The following PPP2R5A variants were observed in gnomAD, a reference collection of about 807,000 sequenced individuals.
PPP2R5A encodes the protein serine/threonine-protein phosphatase 2A 56 kDa regulatory subunit alpha isoform.
Under a neutral mutation model 64.2 loss-of-function variants are expected in PPP2R5A, and 25 were observed. That is an observed-to-expected ratio of 0.39 (90% CI 0.28 to 0.54). PPP2R5A has a LOEUF of 0.54. PPP2R5A is among the 20% of genes least tolerant of loss of function. The pLI is 0.67. For missense variants in PPP2R5A, 425 were observed against 576.3 expected (o/e 0.74, Z 2.69); for synonymous variants, 198 against 201.2 (o/e 0.98, Z 0.13).
intron 1 of PPP2R5A, among the ~76,000 whole-genome samples, chr1:212,311,084 C>T (rs1659021338): frequency 6.6e-6 from 1 of 152,062 alleles, no homozygotes; most frequent in Admixed American, 6.6e-5. Flanking sequence ...AATTCCTGTC[C>T]CCTAGTGATG....
At chr1:212,288,631 A>C (rs188742395) in intron 1 of PPP2R5A, among the ~76,000 whole-genome samples, 11 of 152,296 alleles carry the variant, frequency 7.2e-5, no homozygotes, top group African/African-American at 2.2e-4. Flanking sequence ...TAAAAAAAAA[A>C]CACCAACATT....
intron 1 of PPP2R5A, among the ~76,000 whole-genome samples, chr1:212,306,417 T>C (rs1300858128): frequency 6.6e-6 from 1 of 152,124 alleles, no homozygotes; most frequent in Non-Finnish European, 1.5e-5. Flanking sequence ...AAGAGAAACC[T>C]CATCATATCC....
intron 8 of PPP2R5A, among the ~76,000 whole-genome samples, chr1:212,353,145 T>C (rs1459761596): frequency 6.6e-6 from 1 of 152,200 alleles, no homozygotes; most frequent in African/African-American, 2.4e-5. Flanking sequence ...GTTGGCAGAA[T>C]TCAGTTTGTC....
chr1:212,323,494 A>G (rs1228166040), intron 1 of PPP2R5A, among the ~76,000 whole-genome samples: 2 of 152,254 alleles, frequency 1.3e-5, no homozygotes, highest in African/African-American at 4.8e-5. Context: ...ATACCTAAAA[A>G]TAATCAAGAA....
At chr1:212,349,149 T>C (rs1254536496) in intron 7 of PPP2R5A, 40 bp from the exon 8 acceptor site, 2 of 1,353,586 alleles carry the variant, frequency 1.5e-6, no homozygotes, top group African/African-American at 3.0e-5. Flanking sequence ...TTATTAAATG[T>C]TATCTCACTA....
intron 8 of PPP2R5A, among the ~76,000 whole-genome samples, chr1:212,353,570 C>G (rs978750480): frequency 5.3e-5 from 8 of 152,090 alleles, no homozygotes; most frequent in Non-Finnish European, 1.0e-4. Context: ...TATTAAAATC[C>G]ATATATACAT....
At chr1:212,328,538 C>T (rs1317902223) in intron 1 of PPP2R5A, among the ~76,000 whole-genome samples, 2 of 151,944 alleles carry the variant, frequency 1.3e-5, no homozygotes, top group Admixed American at 6.6e-5. Flanking sequence ...TGTATACAGC[C>T]GAGAGGAGTT....
intron 2 of PPP2R5A, 152 bp downstream of exon 2, chr1:212,329,483 C>G: frequency 4.5e-6 from 3 of 671,698 alleles, no homozygotes; most frequent in Non-Finnish European, 7.1e-6. Flanking sequence ...TCCAATGATA[C>G]CATCATTGCA....
At chr1:212,330,095 C>A (rs1490921487) in intron 2 of PPP2R5A, among the ~76,000 whole-genome samples, 1 of 152,166 alleles carries the variant, frequency 6.6e-6, no homozygotes, top group Non-Finnish European at 1.5e-5. Context: ...AAAAAAACTG[C>A]AGCCAACTTT....
At chr1:212,354,356 G>A (rs1429853984) in intron 8 of PPP2R5A, among the ~76,000 whole-genome samples, 3 of 151,422 alleles carry the variant, frequency 2.0e-5, no homozygotes, top group Admixed American at 1.3e-4. Flanking sequence ...CAGCCTGGCC[G>A]ACAATGCAAG....
intron 1 of PPP2R5A, among the ~76,000 whole-genome samples, chr1:212,310,655 G>T (rs2102419863): frequency 6.6e-6 from 1 of 152,316 alleles, no homozygotes; most frequent in Non-Finnish European, 1.5e-5. Flanking sequence ...GCCTCTTCCA[G>T]TGTGGAATCA....
chr1:212,359,841 G>T (rs1339156981), intron 12 of PPP2R5A, among the ~76,000 whole-genome samples: 2 of 152,162 alleles, frequency 1.3e-5, no homozygotes, highest in Non-Finnish European at 2.9e-5. Context: ...GCAATGGGAA[G>T]AAAATAAGAT....
intron 1 of PPP2R5A, among the ~76,000 whole-genome samples, chr1:212,299,900 C>T (rs755455188): frequency 2.0e-5 from 3 of 151,778 alleles, no homozygotes; most frequent in Admixed American, 6.6e-5. Context: ...GCAACCTCCA[C>T]ATCATGGGTT....
chr1:212,334,152 C>T (rs1282350714), intron 3 of PPP2R5A: 2 of 152,190 alleles, frequency 1.3e-5, no homozygotes, highest in Non-Finnish European at 2.9e-5. Flanking sequence ...GGATATACCA[C>T]ATTTGTTTAT....
chr1:212,348,826 G>A (rs1659827964), intron 7 of PPP2R5A, among the ~76,000 whole-genome samples: 1 of 152,154 alleles, frequency 6.6e-6, no homozygotes, highest in Non-Finnish European at 1.5e-5. Flanking sequence ...TAGTTAGAGA[G>A]ATTTTGGTCT....
At chr1:212,286,436 G>A in intron 1 of PPP2R5A, 145 bp downstream of exon 1, 1 of 871,894 alleles carries the variant, frequency 1.1e-6, no homozygotes, top group Non-Finnish European at 1.6e-6. Context: ...ATGCCTTGGC[G>A]TCACCTCACG....
intron 7 of PPP2R5A, among the ~76,000 whole-genome samples, chr1:212,348,727 T>A (rs771775659): frequency 6.6e-6 from 1 of 152,216 alleles, no homozygotes; most frequent in Non-Finnish European, 1.5e-5. Context: ...TTTCCTCATA[T>A]TATAGTCCAG....
chr1:212,338,786 CA>C (rs11375782), intron 3 of PPP2R5A, among the ~76,000 whole-genome samples: 86 of 142,428 alleles, frequency 6.0e-4, no homozygotes, highest in Non-Finnish European at 4.4e-4. Context: ...GACTCTGTCT[CA>C]AAAAAAAAAA....
At chr1:212,305,609 C>T (rs1658884678) in intron 1 of PPP2R5A, among the ~76,000 whole-genome samples, 1 of 152,034 alleles carries the variant, frequency 6.6e-6, no homozygotes, top group African/African-American at 2.4e-5. Flanking sequence ...GATCTTCCAC[C>T]TAATTGTTCT....
Sources: allele counts gnomAD v4.1 joint callset (sites outside exome capture counted in the v4.1 genomes callset), GRCh38; gene constraint gnomAD v4.1.1; transcripts MANE v1.5; gene names NCBI Gene and HGNC (gene_info 2026-07-23, HGNC 2026-07-21).